Variants in TEX13A observed in about 807,000 individuals in gnomAD.
TEX13A encodes the protein testis expressed 13A.
In TEX13A, 8 loss-of-function variants were observed where a neutral mutation model predicts 7.1. The observed-to-expected ratio is 1.12, with a 90% CI of 0.66 to 2.03. The LOEUF (loss-of-function observed/expected upper bound fraction) is 2.03. TEX13A is among the 30% of genes most tolerant of loss of function. The probability of loss-of-function intolerance (pLI) is 0.00; values close to 1 mark genes in which losing one functional copy is unlikely to be tolerated. For missense variants in TEX13A, 362 were observed against 332.2 expected (o/e 1.09, Z -0.70); for synonymous variants, 151 against 134.2 (o/e 1.13, Z -0.87).
intron 1 of TEX13A, 82 bp downstream of exon 1, chrX:105,220,513 G>C (rs182068237): frequency 1.9e-5 from 13 of 689,159 alleles, no homozygotes; most frequent in African/African-American, 2.4e-5. Context: ...TCTTGTCCCC[G>C]CCCTACCCGC....
At chrX:105,219,880 GA>G (rs2033931545) in intron 2 of TEX13A, 82 bp downstream of exon 2, 12 of 1,079,306 alleles carry the variant, frequency 1.1e-5, no homozygotes, top group Non-Finnish European at 1.5e-5. Context: ...GCAGGGTGGA[GA>G]GGGGTGGGAA....
chrX:105,219,927 G>A (rs1241821445), intron 2 of TEX13A, 36 bp downstream of exon 2: 5 of 1,157,665 alleles, frequency 4.3e-6, no homozygotes, highest in Non-Finnish European at 5.8e-6. Flanking sequence ...GGGACCAGTT[G>A]AGGGATCTTA....
Position 105,220,099 on chromosome X carries a change from T to C in TEX13A, c.299A>G (p.His100Arg). 19 of 1,211,561 alleles carry C rather than the reference T, an allele frequency of 1.6e-5. No homozygotes were observed. Among genetic ancestry groups the C allele is most frequent in the Non-Finnish European group, 2.1e-5 (19 of 895,358 alleles). Residue 100 changes from histidine to arginine, a missense_variant, in exon 2 of 3, where the codon CAC becomes CGC. Physicochemically the swap from His to Arg is conservative, Grantham distance 29. Transcript: ENST00000600991. ...VRWLHGFAKL[H>R]KSAAQALASD... is the part of the protein sequence containing the mutation. ...TGCCAAGGCCTGTGCGGCTGATTTG[T>C]GCAGTTTGGCGAAGCCGTGCAGCCA...
In TEX13A at chrX:105,220,361, G is replaced by A. The variant is rs781841588; in HGVS notation, c.37C>T (p.Arg13Trp). ...ATGAAGGCCACCACGTTGCTATGCC[G>A]GAACCCGCTACTGGGGTCCTCAGGT... ...LRPEDPSSGF[R>W]HSNVVAFINE... The change falls in exon 2 of 3, where the codon CGG becomes TGG. Residue 13 changes from arginine to tryptophan, a missense_variant. Coordinates refer to ENST00000600991, the MANE Select transcript of TEX13A (RefSeq NM_031274.5). 1.0e-5 allele frequency: 12 copies of A among 1,197,199 alleles called. No individual in the cohort carries two copies. The East Asian group carries it at 2.7e-4, about 27-fold the overall frequency.
In TEX13A at chrX:105,219,045, A is replaced by G. The variant is rs1432689717; in HGVS notation, c.1149T>C (p.Pro383=). 8.3e-7 allele frequency: 1 copy of G among 1,211,299 alleles called. No individual in the cohort carries two copies. The highest frequency in any genetic ancestry group is 1.7e-5 in the African/African-American group (1 of 57,752). Residue 383 remains proline, a synonymous_variant, in exon 3 of 3, where the codon CCT becomes CCC. Coordinates refer to ENST00000600991, the MANE Select transcript of TEX13A (RefSeq NM_031274.5). ...VYRRPGDWDC[P]WCNAVNFSRR... ...GTGAAAAATTCACAGCGTTACACCA[A>G]GGGCAGTCCCAGTCCCCTGGCCTGC...
chrX:105,219,879 A>G (rs1226401610), intron 2 of TEX13A, 84 bp downstream of exon 2: 1 of 1,051,383 alleles, frequency 9.5e-7, no homozygotes, highest in Non-Finnish European at 1.3e-6. Flanking sequence ...AGCAGGGTGG[A>G]GAGGGGTGGG....
At position 105,219,009 on chromosome X, in the gene TEX13A, A is replaced by G. The variant is rs1556172033; in HGVS notation, c.1185T>C (p.Thr395=). Residue 395 remains threonine, a synonymous_variant, in exon 3 of 3, where the codon ACT becomes ACC. Transcript: ENST00000600991. The part of the protein sequence containing the change: ...CNAVNFSRRD[T]CFDCGKGIWL... ...AGATTCCCTTCCCACAGTCGAAGCAAGTATCCCTCCGTGAAAAATTCACAG... is the reference window on the plus strand; with the variant it reads ...AGATTCCCTTCCCACAGTCGAAGCAGGTATCCCTCCGTGAAAAATTCACAG... 8.3e-7 allele frequency: 1 copy of G among 1,209,211 alleles called. No homozygotes were observed. Among genetic ancestry groups the G allele is most frequent in the African/African-American group, 1.8e-5 (1 of 56,958 alleles).
rs782631025 is a variant in TEX13A, at chrX:105,219,784, G to T, written c.436-26C>A. 14 of 1,177,251 alleles carry T rather than the reference G, an allele frequency of 1.2e-5. No homozygotes were observed. In the African/African-American group the frequency reaches 2.1e-4, roughly 18 times the overall value. The stretch of plus-strand genomic sequence containing the variant: ...CTGGAGAGAAGTGGGCAGGGCTGAG[G>T]TGTGTTCTGGGGGCAAGGCGGGAGC... On this transcript the variant is annotated intron_variant, in intron 2 of 2. Coordinates refer to ENST00000600991, the MANE Select transcript of TEX13A (RefSeq NM_031274.5).
Position 105,220,631 on chromosome X carries a change from C to A in TEX13A, c.-69G>T, listed in dbSNP as rs1214676265. 2.7e-5 allele frequency: 9 copies of A among 335,473 alleles called. No homozygotes were observed. Among genetic ancestry groups the A allele is most frequent in the Non-Finnish European group, 4.1e-5 (8 of 193,312 alleles). 27.6% of individuals were successfully genotyped at this position (335,473 alleles called of 1,213,427 possible). The stretch of plus-strand genomic sequence containing the variant: ...GGGCCAGAGGAAGTACAGGCCAACC[C>A]CGCTGTCTTAACACGCCCGAAGAGA... On this transcript the variant is annotated 5_prime_UTR_variant, in exon 1 of 3. Transcript: ENST00000600991.
At position 105,219,675 on chromosome X, in the gene TEX13A, T is replaced by C; in HGVS notation, c.519A>G (p.Ala173=). ...CCGCCGCCTCTTCTTCCTCCTCAGCTGCTCCTTCTGTGCAAACCCCTCCGG... is the reference window on the plus strand; with the variant it reads ...CCGCCGCCTCTTCTTCCTCCTCAGCCGCTCCTTCTGTGCAAACCCCTCCGG... ...ATAGGVCTEG[A]AEEEEEAAVA... is the part of the protein sequence containing the mutation. The change falls in exon 3 of 3, where the codon GCA becomes GCG. Residue 173 remains alanine (A), a synonymous_variant. Coordinates refer to ENST00000600991, the MANE Select transcript of TEX13A (RefSeq NM_031274.5). 1 of 1,210,280 alleles carries C rather than the reference T, an allele frequency of 8.3e-7. No individual in the cohort carries two copies. Among genetic ancestry groups the C allele is most frequent in the South Asian group, 1.8e-5 (1 of 56,979 alleles).
In TEX13A at chrX:105,219,392, G is replaced by A. The variant is rs189616035; in HGVS notation, c.802C>T (p.Arg268Trp). The A allele has an allele frequency of 6.6e-5, 80 of 1,208,253 alleles. No homozygotes were observed. Among genetic ancestry groups the A allele is most frequent in the Admixed American group, 4.8e-4 (22 of 45,603 alleles). ...TYWGQKEGDL[R>W]SVETATSYFS... is the part of the protein sequence containing the mutation. Reference sequence around the variant, plus strand: ...TAAGATGTGGCTGTTTCGACCGACCGGAGATCTCCCTCCTTCTGCCCCCAA... The same window carrying A: ...TAAGATGTGGCTGTTTCGACCGACCAGAGATCTCCCTCCTTCTGCCCCCAA... Residue 268 changes from arginine to tryptophan, a missense_variant, in exon 3 of 3, where the codon CGG becomes TGG. Coordinates refer to ENST00000600991, the MANE Select transcript of TEX13A (RefSeq NM_031274.5).
rs782088729 is a variant in TEX13A at position 105,219,268 on chromosome X, G to A, written c.926C>T (p.Ser309Phe). 2.2e-5 allele frequency: 27 copies of A among 1,208,883 alleles called. No homozygotes were observed. In the East Asian group the frequency reaches 7.7e-4, roughly 35 times the overall value. Residue 309 changes from serine to phenylalanine, a missense_variant, in exon 3 of 3, where the codon TCC becomes TTC. Transcript: ENST00000600991. Reference protein sequence around the residue: ...SYSYSYSSPFSSFSDIPTISP... With the variant: ...SYSYSYSSPFFSFSDIPTISP... ...TATAGTGGGTATGTCTGAGAAGGAG[G>A]AAAAAGGGCTTGAGTATGAGTATGA... is the stretch of plus-strand genomic sequence containing the variant.
chrX:105,219,143 T>C lies in TEX13A; in HGVS notation c.1051A>G (p.Arg351Gly). ...CTTGGGTGCTCCTGATGGTCTATTC[T>C]GTGGGGCCCCCCATCAGACCACAGG... is the stretch of plus-strand genomic sequence containing the variant. ...TSLWSDGGPH[R>G]IDHQEHPRDR... The change falls in exon 3 of 3, where the codon AGA becomes GGA. Residue 351 changes from arginine to glycine, a missense_variant. Physicochemically the swap from Arg to Gly is moderately radical, Grantham distance 125. Coordinates refer to ENST00000600991, the MANE Select transcript of TEX13A (RefSeq NM_031274.5). The C allele has an allele frequency of 8.3e-7, 1 of 1,211,491 alleles. No homozygotes were observed. Among genetic ancestry groups the C allele is most frequent in the East Asian group, 3.0e-5 (1 of 33,785 alleles).
Position 105,219,679 on chromosome X carries a change from C to A in TEX13A, c.515G>T (p.Gly172Val). 4 of 1,210,327 alleles carry A rather than the reference C, an allele frequency of 3.3e-6. No homozygotes were observed. Among genetic ancestry groups the A allele is most frequent in the Non-Finnish European group, 4.5e-6 (4 of 895,317 alleles). ...LATAGGVCTE[G>V]AAEEEEEAAV... ...CGCCTCTTCTTCCTCCTCAGCTGCT[C>A]CTTCTGTGCAAACCCCTCCGGCAGT... is the stretch of plus-strand genomic sequence containing the variant. The change falls in exon 3 of 3, where the codon GGA becomes GTA. Residue 172 changes from glycine to valine, a missense_variant. By Grantham distance (109) the Gly-to-Val change is moderately radical. Coordinates refer to ENST00000600991, the MANE Select transcript of TEX13A (RefSeq NM_031274.5).
Position 105,220,350 on chromosome X carries a change from G to A in TEX13A, c.48C>T (p.Asn16=). The change falls in exon 2 of 3, where the codon AAC becomes AAT. Residue 16 remains asparagine (N), a synonymous_variant. Coordinates refer to ENST00000600991, the MANE Select transcript of TEX13A (RefSeq NM_031274.5). ...EDPSSGFRHS[N]VVAFINEKMA... ...TTTTCTCGTTGATGAAGGCCACCAC[G>A]TTGCTATGCCGGAACCCGCTACTGG... is the stretch of plus-strand genomic sequence containing the variant. 2 of 1,203,996 alleles carry A rather than the reference G, an allele frequency of 1.7e-6. No individual in the cohort carries two copies. The highest frequency in any genetic ancestry group is 1.8e-5 in the South Asian group (1 of 55,635).
chrX:105,219,956 A>G lies in TEX13A; in HGVS notation c.435+7T>C. On this transcript the variant is annotated splice_region_variant and intron_variant, in intron 2 of 2. Transcript: ENST00000600991. ...GATCTTACTGCATGGAGCGGCTTCC[A>G]ACTCACCTTGTCTCTCTCTTTCTGC... 1 of 1,192,187 alleles carries G rather than the reference A, an allele frequency of 8.4e-7. No homozygotes were observed. Among genetic ancestry groups the G allele is most frequent in the East Asian group, 3.0e-5 (1 of 33,588 alleles).
At position 105,219,975 on chromosome X, in the gene TEX13A, T is replaced by C. The variant is rs781980945; in HGVS notation, c.423A>G (p.Lys141=). 8.3e-7 allele frequency: 1 copy of C among 1,198,940 alleles called. No individual in the cohort carries two copies. Among genetic ancestry groups the C allele is most frequent in the South Asian group, 1.8e-5 (1 of 55,745 alleles). The change falls in exon 2 of 3, where the codon AAA becomes AAG. Residue 141 remains lysine (K), a synonymous_variant. Coordinates refer to ENST00000600991, the MANE Select transcript of TEX13A (RefSeq NM_031274.5). Reference sequence around the variant, plus strand: ...GCTTCCAACTCACCTTGTCTCTCTCTTTCTGCACCTCCACGAGGCTGGTCT... The same window carrying C: ...GCTTCCAACTCACCTTGTCTCTCTCCTTCTGCACCTCCACGAGGCTGGTCT... The part of the protein sequence containing the change: ...MAQTSLVEVQ[K]ERDKELVSPH...
In TEX13A at chrX:105,220,168, C is replaced by T. The variant is rs922489358; in HGVS notation, c.230G>A (p.Arg77His). The T allele has an allele frequency of 7.4e-6, 9 of 1,210,126 alleles. No homozygotes were observed. In the African/African-American group the frequency reaches 1.2e-4, roughly 16 times the overall value. Residue 77 changes from arginine (R) to histidine (H), a missense_variant, in exon 2 of 3, where the codon CGC becomes CAC. By Grantham distance (29) the Arg-to-His change is conservative (BLOSUM62 0). Transcript: ENST00000600991. ...CTWGSLALGVRFAHRQAQLQR... is the reference protein window; with the variant it reads ...CTWGSLALGVHFAHRQAQLQR... ...TAGCTGTGCCTGCCTGTGGGCAAAG[C>T]GCACTCCCAAGGCCAGGCTGCCCCA...
chrX:105,219,824 G>A, intron 2 of TEX13A, 66 bp from the exon 3 acceptor site: 3 of 1,109,611 alleles, frequency 2.7e-6, no homozygotes, highest in Non-Finnish European at 2.4e-6. Context: ...AGCAGGGTAG[G>A]ACGGAGCTAC....
Sources: gnomAD v4.1 joint callset for allele counts on GRCh38, gnomAD v4.1.1 for gene constraint, MANE v1.5 for transcripts, NCBI Gene and HGNC (gene_info 2026-07-23, HGNC 2026-07-21) for gene names.